The following NUTF2 variants were observed in gnomAD, a reference collection of about 807,000 sequenced individuals.
NUTF2 encodes placental protein 15.
In NUTF2, 3 loss-of-function variants were observed where a neutral mutation model predicts 18.5. The ratio of observed to expected loss-of-function variants is 0.16; its 90% CI spans 0.07 to 0.42. The LOEUF is 0.42. Ranked by LOEUF, NUTF2 falls within the 10% of genes least tolerant of loss-of-function variation. NUTF2 has a pLI of 0.99. For synonymous variants in NUTF2, 51 were observed against 57.9 expected (o/e 0.88, Z 0.54); for missense variants, 44 against 160.7 (o/e 0.27, Z 3.93).
Position 67,849,883 on chromosome 16 carries a change from C to A in NUTF2, c.-30+2898C>A, listed in dbSNP as rs369343800. 3.9e-3 allele frequency among the ~76,000 whole-genome samples: 597 copies of A among 152,256 alleles called. 6 individuals are homozygous for A. The highest frequency in any genetic ancestry group is 0.013 in the African/African-American group (549 of 41,546). On this transcript the variant is annotated intron_variant, in intron 1 of 4. Transcript: ENST00000219169. ...CCGTGTTAGCCAGGATGGTCTCGAT[C>A]TCCTGACCTCGTGATCCGCCCGTCT... is the stretch of plus-strand genomic sequence containing the variant.
chr16:67,863,958 G>C (rs1300145752), intron 1 of NUTF2, among the ~76,000 whole-genome samples: 1 of 152,196 alleles, frequency 6.6e-6, no homozygotes, highest in African/African-American at 2.4e-5. Flanking sequence ...GAGAGAGACA[G>C]CTCCTTAGGG....
At chr16:67,847,094 C>G (rs1043358011) in intron 1 of NUTF2, 109 bp downstream of exon 1, 3 of 150,276 alleles carry the variant, frequency 2.0e-5, no homozygotes, top group Non-Finnish European at 3.0e-5. Flanking sequence ...CCCCTCCCCC[C>G]CCCCCGGCGG....
At chr16:67,860,205 TCCTGAC>T (rs980393576) in intron 1 of NUTF2, among the ~76,000 whole-genome samples, 2 of 152,194 alleles carry the variant, frequency 1.3e-5, no homozygotes, top group Non-Finnish European at 2.9e-5. Flanking sequence ...GGTCTTGATC[TCCTGAC>T]CCTGTGATCC....
chr16:67,852,592 A>C (rs965203293), intron 1 of NUTF2, among the ~76,000 whole-genome samples: 1 of 152,162 alleles, frequency 6.6e-6, no homozygotes, highest in Non-Finnish European at 1.5e-5. Context: ...TCCTGACCTC[A>C]GGCGATCCGC....
intron 2 of NUTF2, among the ~76,000 whole-genome samples, chr16:67,865,950 C>G (rs1263718661): frequency 2.0e-5 from 3 of 152,138 alleles, no homozygotes; most frequent in African/African-American, 7.2e-5. Context: ...GAACTCCTGA[C>G]CTCGTGATCC....
At chr16:67,851,177 ATTAC>A (rs1389931429) in intron 1 of NUTF2, among the ~76,000 whole-genome samples, 2 of 151,850 alleles carry the variant, frequency 1.3e-5, no homozygotes, top group African/African-American at 4.8e-5. Flanking sequence ...GAGGGGAATA[ATTAC>A]TTAAGAGAGA....
chr16:67,848,610 C>T (rs2057826231), intron 1 of NUTF2, among the ~76,000 whole-genome samples: 4 of 150,680 alleles, frequency 2.7e-5, no homozygotes, highest in Admixed American at 6.6e-5. Flanking sequence ...GGTGTGGTGG[C>T]GTGCACCTGT....
chr16:67,857,497 C>A (rs942750880), intron 1 of NUTF2, among the ~76,000 whole-genome samples: 3 of 152,142 alleles, frequency 2.0e-5, no homozygotes, highest in Non-Finnish European at 2.9e-5. Context: ...AGTTTCCATT[C>A]CTGATTCTAG....
chr16:67,865,276 T>G (rs746756586), intron 2 of NUTF2, 47 bp downstream of exon 2: 19 of 1,352,810 alleles, frequency 1.4e-5, no homozygotes, highest in Non-Finnish European at 2.0e-5. Context: ...GGGATCAATT[T>G]GGATGTTGGG....
rs748877034 is a variant in NUTF2 at position 67,868,360 on chromosome 16, G to T, written c.120G>T (p.Thr40=). The T allele has an allele frequency of 2.5e-6, 4 of 1,613,944 alleles. No individual in the cohort carries two copies. Among genetic ancestry groups the T allele is most frequent in the East Asian group, 4.5e-5 (2 of 44,882 alleles). ...GAIYIDASCL[T]WEGQQFQGKA... ...TTCAGATTGACGCGTCATGCCTTAC[G>T]TGGGAAGGACAACAGTTCCAGGGGA... Residue 40 remains threonine, a synonymous_variant, in exon 3 of 5, where the codon ACG becomes ACT. Coordinates refer to ENST00000219169, the MANE Select transcript of NUTF2 (RefSeq NM_005796.3).
rs566209696 is a variant in NUTF2, at chr16:67,871,246, G to A, written c.*333G>A. Reference sequence around the variant, plus strand: ...TGAAGGAGAAAGCAGCTGCCTCACCGCCCAGACATTGATTTGTTCAGATGT... The same window carrying A: ...TGAAGGAGAAAGCAGCTGCCTCACCACCCAGACATTGATTTGTTCAGATGT... On this transcript the variant is annotated 3_prime_UTR_variant, in exon 5 of 5. Coordinates refer to ENST00000219169, the MANE Select transcript of NUTF2 (RefSeq NM_005796.3). The A allele has an allele frequency of 2.5e-5, 5 of 201,542 alleles. No homozygotes were observed. The highest frequency in any genetic ancestry group is 2.0e-4 in the Admixed American group (3 of 14,820). The allele number at this position is 201,542 out of a possible 1,614,324, so 12.5% of individuals were successfully genotyped here. A position where few individuals can be genotyped will look rare whatever the true frequency, so the allele number is the denominator to read the frequency against.
chr16:67,864,676 G>A (rs1047801542), intron 1 of NUTF2, among the ~76,000 whole-genome samples: 1 of 152,118 alleles, frequency 6.6e-6, no homozygotes, highest in African/African-American at 2.4e-5. Context: ...GCTGTAAAGT[G>A]GGAAGAATAG....
chr16:67,859,077 C>T lies in NUTF2; in HGVS notation c.-29-6025C>T, dbSNP rs1386268846. On this transcript the variant is annotated intron_variant, in intron 1 of 4. Transcript: ENST00000219169. ...CTTGAACTGCTGGGCTTAAGCAGTC[C>T]TCCTGCCTTGGACTCCCAAAGTGTC... Among the ~76,000 whole-genome samples the T allele has an allele frequency of 2.0e-5, 3 of 151,980 alleles. No homozygotes were observed. In the East Asian group the frequency reaches 5.8e-4, roughly 29 times the overall value.
chr16:67,850,464 C>G (rs1034693158), intron 1 of NUTF2, among the ~76,000 whole-genome samples: 4 of 152,144 alleles, frequency 2.6e-5, no homozygotes, highest in African/African-American at 9.7e-5. Context: ...CCTTGGCCTC[C>G]CAAAGTGCTG....
chr16:67,859,686 G>T (rs376411012), intron 1 of NUTF2, among the ~76,000 whole-genome samples: 9 of 151,646 alleles, frequency 5.9e-5, no homozygotes, highest in African/African-American at 1.7e-4. Context: ...TAGAGATGGG[G>T]TTTCACCATG....
rs1268423792 is a variant in NUTF2, at chr16:67,871,772, C to T, written c.*859C>T. 2 of 152,292 alleles carry T rather than the reference C, an allele frequency of 1.3e-5. No individual in the cohort carries two copies. Among genetic ancestry groups the T allele is most frequent in the Non-Finnish European group, 2.9e-5 (2 of 68,084 alleles). 9.4% of individuals were successfully genotyped at this position (152,292 alleles called of 1,614,324 possible). A position where few individuals can be genotyped will look rare whatever the true frequency, so the allele number is the denominator to read the frequency against. On this transcript the variant is annotated 3_prime_UTR_variant, in exon 5 of 5. Coordinates refer to ENST00000219169, the MANE Select transcript of NUTF2 (RefSeq NM_005796.3). ...GCTCTATCCCCAGAAGGATCAGGATCATATCCAGGATGCCCCACATACACC... is the reference window on the plus strand; with the variant it reads ...GCTCTATCCCCAGAAGGATCAGGATTATATCCAGGATGCCCCACATACACC...
chr16:67,852,899 G>A (rs2057870432), intron 1 of NUTF2, among the ~76,000 whole-genome samples: 1 of 151,588 alleles, frequency 6.6e-6, no homozygotes. Context: ...GGCTGGTCTC[G>A]AACTCCCGAC....
intron 1 of NUTF2, among the ~76,000 whole-genome samples, chr16:67,857,432 A>T (rs1567381002): frequency 2.6e-5 from 4 of 152,134 alleles, no homozygotes; most frequent in African/African-American, 9.7e-5. Context: ...TGTCTTGGCC[A>T]GCCATCTGGG....
intron 1 of NUTF2, among the ~76,000 whole-genome samples, chr16:67,864,704 C>A (rs2057958671): frequency 6.6e-6 from 1 of 152,052 alleles, no homozygotes; most frequent in Admixed American, 6.6e-5. Context: ...TCTGTCCTTG[C>A]AGGTTGTTGA....
Sources: gnomAD v4.1 joint callset for allele counts (sites outside exome capture counted in the v4.1 genomes callset) on GRCh38, gnomAD v4.1.1 for gene constraint, MANE v1.5 for transcripts, NCBI Gene and HGNC (gene_info 2026-07-23, HGNC 2026-07-21) for gene names.